PLS3: variants seen among roughly 807,000 people sequenced by gnomAD.
PLS3 encodes the protein plastin-3.
Under a neutral mutation model 46.5 loss-of-function variants are expected in PLS3, and 11 were observed. The ratio of observed to expected loss-of-function variants is 0.24; its 90% CI spans 0.15 to 0.39. The LOEUF (loss-of-function observed/expected upper bound fraction) is 0.39. PLS3 is among the 10% of genes least tolerant of loss of function. The pLI, the probability that PLS3 is intolerant of heterozygous loss-of-function variation, is 1.00. For missense variants in PLS3, 308 were observed against 461.8 expected, an observed-to-expected ratio of 0.67 and a Z score of 3.05; for synonymous variants, 167 against 162.2, an observed-to-expected ratio of 1.03 and a Z score of -0.22.
At chrX:115,592,974 T>C (rs946043092) in intron 1 of PLS3, among the ~76,000 whole-genome samples, 7 of 111,756 alleles carry the variant, frequency 6.3e-5, no homozygotes, top group African/African-American at 2.3e-4. Flanking sequence ...GCTTAGTTCC[T>C]GTGTGCTATG....
intron 2 of PLS3, chrX:115,611,063 G>A (rs1050426609): frequency 2.6e-6 from 1 of 381,430 alleles, no homozygotes; most frequent in Admixed American, 4.2e-5. Context: ...TTATTATTTG[G>A]TATCTCCTTG....
intron 1 of PLS3, among the ~76,000 whole-genome samples, chrX:115,591,133 C>T (rs782620594): frequency 5.4e-5 from 6 of 111,582 alleles, no homozygotes; most frequent in Non-Finnish European, 1.1e-4. Context: ...AGCGAGACTC[C>T]GTCTCAAAAA....
rs1556640355 is a variant in PLS3 at position 115,636,934 on chromosome X, A to G, written c.847A>G (p.Asn283Asp). The change falls in exon 8 of 16, where the codon AAC becomes GAC. Residue 283 changes from asparagine (N) to aspartate (D), a missense_variant. Coordinates refer to ENST00000355899, the MANE Select transcript of PLS3 (RefSeq NM_005032.7). Reference sequence around the variant, plus strand: ...TAGATGGGCAAACTTTCATTTGGAAAACTCGGGCTGGCAAAAAATTAACAA... The same window carrying G: ...TAGATGGGCAAACTTTCATTTGGAAGACTCGGGCTGGCAAAAAATTAACAA... Reference protein sequence around the residue: ...LLRWANFHLENSGWQKINNFS... With the variant: ...LLRWANFHLEDSGWQKINNFS... 8.3e-7 allele frequency: 1 copy of G among 1,210,334 alleles called. No homozygotes were observed. The highest frequency in any genetic ancestry group is 1.7e-5 in the African/African-American group (1 of 57,716).
intron 1 of PLS3, among the ~76,000 whole-genome samples, chrX:115,602,477 T>A (rs146154856): frequency 1.1e-3 from 124 of 111,132 alleles, no homozygotes; most frequent in African/African-American, 3.9e-3. Flanking sequence ...TAGAGACTAG[T>A]GTTGAGCTGT....
At chrX:115,562,353 G>A (rs1430145633) in intron 1 of PLS3, 2 of 111,886 alleles carry the variant, frequency 1.8e-5, no homozygotes, top group African/African-American at 6.5e-5. Flanking sequence ...AGGTGGAGTG[G>A]GGGTTAATGG....
At chrX:115,614,652 G>C in intron 2 of PLS3, 1 of 450,305 alleles carries the variant, frequency 2.2e-6, no homozygotes, top group Non-Finnish European at 2.8e-6. Context: ...TAGATCTTGG[G>C]ATGGAATATA....
At chrX:115,564,620 T>A (rs2074160952) in intron 1 of PLS3, among the ~76,000 whole-genome samples, 1 of 112,457 alleles carries the variant, frequency 8.9e-6, no homozygotes, top group Non-Finnish European at 1.9e-5. Context: ...TTATCCCATA[T>A]TCTGTTTTAG....
chrX:115,621,295 G>A (rs1036650630), intron 2 of PLS3, among the ~76,000 whole-genome samples: 76 of 112,613 alleles, frequency 6.7e-4, no homozygotes, highest in African/African-American at 2.1e-3. Context: ...GATTACAGGC[G>A]TGAGCCACCG....
chrX:115,567,013 T>C lies in PLS3; in HGVS notation c.-9+5753T>C, dbSNP rs781958983. Among the ~76,000 whole-genome samples the C allele has an allele frequency of 3.6e-5, 4 of 112,420 alleles. No individual in the cohort carries two copies. In the Admixed American group the frequency reaches 3.8e-4, roughly 11 times the overall value. Reference sequence around the variant, plus strand: ...TTCTTCTATTTCTTACCTCAAATATTGTGCAAGGTAGCCCGTTAAAGCCAT... The same window carrying C: ...TTCTTCTATTTCTTACCTCAAATATCGTGCAAGGTAGCCCGTTAAAGCCAT... On this transcript the variant is annotated intron_variant, in intron 1 of 15. Coordinates refer to ENST00000355899, the MANE Select transcript of PLS3 (RefSeq NM_005032.7).
intron 1 of PLS3, among the ~76,000 whole-genome samples, chrX:115,599,351 A>G (rs1421630659): frequency 4.8e-5 from 5 of 105,097 alleles, no homozygotes; most frequent in East Asian, 3.0e-4. Flanking sequence ...AAAAAAAAAA[A>G]AAAGAAATAA....
chrX:115,646,361 C>T (rs367997455), intron 12 of PLS3, 41 bp from the exon 13 acceptor site: 2 of 1,184,189 alleles, frequency 1.7e-6, no homozygotes, highest in African/African-American at 3.5e-5. Context: ...GCAGATTAAA[C>T]AAATGGAAGT....
intron 2 of PLS3, among the ~76,000 whole-genome samples, chrX:115,618,729 C>T (rs1603236025): frequency 9.0e-6 from 1 of 111,298 alleles, no homozygotes; most frequent in Non-Finnish European, 1.9e-5. Context: ...AACCCCATCT[C>T]TACTAAAAAT....
At chrX:115,609,552 G>GC (rs782250567) in intron 1 of PLS3, among the ~76,000 whole-genome samples, 28 of 111,752 alleles carry the variant, frequency 2.5e-4, no homozygotes, top group Middle Eastern at 4.7e-3. Context: ...ACCATATCCA[G>GC]CTTGAGGTCA....
chrX:115,576,785 C>CA (rs368688242), intron 1 of PLS3, among the ~76,000 whole-genome samples: 11 of 110,743 alleles, frequency 9.9e-5, no homozygotes, highest in Admixed American at 1.9e-4. Flanking sequence ...GGAGTTAAGT[C>CA]AAAAAAAAGG....
intron 2 of PLS3, among the ~76,000 whole-genome samples, chrX:115,611,558 C>T (rs782523327): frequency 3.6e-4 from 40 of 110,002 alleles, no homozygotes; most frequent in African/African-American, 1.2e-3. Context: ...AATTAATATT[C>T]ATCTTTCAGC....
chrX:115,602,797 C>G (rs1244260983), intron 1 of PLS3, among the ~76,000 whole-genome samples: 2 of 110,166 alleles, frequency 1.8e-5, no homozygotes, highest in Non-Finnish European at 3.8e-5. Context: ...TTCTATTTAC[C>G]ATACTAGTGG....
chrX:115,641,588 A>G, intron 9 of PLS3, among the ~76,000 whole-genome samples: 1 of 110,616 alleles, frequency 9.0e-6, no homozygotes. Context: ...TTGTGTGCTT[A>G]TATTTCTGTC....
At position 115,629,325 on chromosome X, in the gene PLS3, C is replaced by A; in HGVS notation, c.365C>A (p.Ser122Ter). ...AGCGAAGGAACACAGCATTCTTACT[C>A]AGGTAATCATTTTATATGCAATAGG... ...LSSEGTQHSYSEEEKYAFVNW... is the reference protein window; with the variant it reads ...LSSEGTQHSY Residue 122 changes from serine (S) to a stop codon, truncating the protein, a stop_gained and splice_region_variant, in exon 4 of 16, where the codon TCA becomes TAA. Transcript: ENST00000355899. LOFTEE classifies it high-confidence loss of function. The A allele has an allele frequency of 8.3e-7, 1 of 1,200,609 alleles. No homozygotes were observed. Among genetic ancestry groups the A allele is most frequent in the Non-Finnish European group, 1.1e-6 (1 of 888,724 alleles).
chrX:115,643,595 GT>G (rs1436950826), intron 10 of PLS3, 87 bp downstream of exon 10: 3 of 513,591 alleles, frequency 5.8e-6, no homozygotes, highest in South Asian at 3.9e-5. Flanking sequence ...GACTTAATAA[GT>G]TTTTTTATAT....
Sources: allele counts gnomAD v4.1 joint callset (sites outside exome capture counted in the v4.1 genomes callset), GRCh38; gene constraint gnomAD v4.1.1; transcripts MANE v1.5; gene names NCBI Gene and HGNC (gene_info 2026-07-23, HGNC 2026-07-21).